Variants in RC3H1 observed in about 807,000 individuals in gnomAD.
RC3H1 encodes the protein ring finger and CCCH-type domains 1.
RC3H1 carries 50 observed loss-of-function variants against 138.2 expected under a neutral mutation model. The ratio of observed to expected loss-of-function variants is 0.36; its 90% CI spans 0.29 to 0.46. RC3H1 has a LOEUF of 0.46. Ranked by LOEUF, RC3H1 falls within the 20% of genes least tolerant of loss-of-function variation. The pLI is 1.00. For synonymous variants in RC3H1, 462 were observed against 489.1 expected (o/e 0.94, Z 0.73); for missense variants, 1,031 against 1,388.1 (o/e 0.74, Z 4.09).
intron 2 of RC3H1, among the ~76,000 whole-genome samples, chr1:173,989,110 C>T (rs536095995): frequency 1.3e-5 from 2 of 152,338 alleles, no homozygotes; most frequent in East Asian, 3.9e-4. Context: ...CTCACTGCAG[C>T]CTCCATCAGG....
At chr1:173,968,995 T>G (rs1056430145) in intron 9 of RC3H1, among the ~76,000 whole-genome samples, 8 of 151,216 alleles carry the variant, frequency 5.3e-5, no homozygotes, top group African/African-American at 1.9e-4. Context: ...AGTAGCTTGG[T>G]CTACAGGCGC....
At position 173,947,601 on chromosome 1, in the gene RC3H1, G is replaced by A. The variant is rs369865117; in HGVS notation, c.2524-19C>T. On this transcript the variant is annotated intron_variant, in intron 14 of 19. Transcript: ENST00000367696. ...CCACATTCTGATAAAAAAGCAAAATGAGAAATTACCCCACACTCAGATCGC... is the reference window on the plus strand; with the variant it reads ...CCACATTCTGATAAAAAAGCAAAATAAGAAATTACCCCACACTCAGATCGC... The A allele has an allele frequency of 2.5e-6, 4 of 1,593,860 alleles. No homozygotes were observed. Among genetic ancestry groups the A allele is most frequent in the African/African-American group, 1.3e-5 (1 of 74,466 alleles).
chr1:173,956,487 C>A (rs1168063790), intron 13 of RC3H1, among the ~76,000 whole-genome samples: 2 of 151,470 alleles, frequency 1.3e-5, no homozygotes, highest in African/African-American at 4.9e-5. Context: ...TGGAGAAACC[C>A]CATCTCTACT....
At position 173,931,876 on chromosome 1, in the gene RC3H1, TA is replaced by T. The variant is rs1211115384; in HGVS notation, c.*6844del. ...GTAAAATTTCACAAAATTCAGCAAT[TA>T]AAAAATCAGCTGTCACTTTAAGGCT... On this transcript the variant is annotated 3_prime_UTR_variant, in exon 20 of 20. Coordinates refer to ENST00000367696, the MANE Select transcript of RC3H1 (RefSeq NM_172071.4). 2 of 151,900 alleles carry T rather than the reference TA, an allele frequency of 1.3e-5. No homozygotes were observed. The highest frequency in any genetic ancestry group is 2.4e-5 in the African/African-American group (1 of 41,368). The allele number at this position is 151,900 out of a possible 1,614,324, so 9.4% of individuals were successfully genotyped here. A position where few individuals can be genotyped will look rare whatever the true frequency, so the allele number is the denominator to read the frequency against.
At chr1:174,014,834 T>A (rs1661831835) in intron 1 of RC3H1, among the ~76,000 whole-genome samples, 1 of 152,214 alleles carries the variant, frequency 6.6e-6, no homozygotes, top group South Asian at 2.1e-4. Context: ...TGTTCTATTT[T>A]TTTTAGCGAG....
chr1:173,992,003 C>T (rs1417350361), intron 2 of RC3H1, among the ~76,000 whole-genome samples: 1 of 151,918 alleles, frequency 6.6e-6, no homozygotes, highest in Admixed American at 6.6e-5. Flanking sequence ...TAGTTTTTGT[C>T]ACCTTTCTCA....
chr1:173,973,946 A>G (rs192418388), intron 7 of RC3H1, among the ~76,000 whole-genome samples: 43 of 152,328 alleles, frequency 2.8e-4, no homozygotes, highest in African/African-American at 9.4e-4. Flanking sequence ...GCCAGATAAT[A>G]ACCAAGACAA....
intron 4 of RC3H1, 99 bp from the exon 5 acceptor site, chr1:173,983,001 A>G (rs997222323): frequency 1.3e-5 from 14 of 1,073,624 alleles, no homozygotes; most frequent in East Asian, 7.6e-5. Context: ...CAGCTATTCA[A>G]TTAACTGGCA....
intron 7 of RC3H1, among the ~76,000 whole-genome samples, chr1:173,976,825 C>G (rs566708148): frequency 6.6e-6 from 1 of 152,082 alleles, no homozygotes; most frequent in African/African-American, 2.4e-5. Context: ...TAAGAGGGCT[C>G]TGAATGCCAT....
At chr1:174,006,992 G>GC (rs376705729) in intron 1 of RC3H1, among the ~76,000 whole-genome samples, 18 of 151,822 alleles carry the variant, frequency 1.2e-4, no homozygotes, top group South Asian at 6.3e-4. Flanking sequence ...ATCTCAAAAG[G>GC]CCCCCCCTCA....
At chr1:174,004,922 G>C (rs1174060078) in intron 1 of RC3H1, among the ~76,000 whole-genome samples, 1 of 151,780 alleles carries the variant, frequency 6.6e-6, no homozygotes, top group Admixed American at 6.6e-5. Flanking sequence ...AGAGGGGGGT[G>C]GGCAGGGGGA....
Position 173,977,216 on chromosome 1 carries a change from G to A in RC3H1, c.1102+1272C>T, listed in dbSNP as rs145795741. Reference sequence around the variant, plus strand: ...TGGGATTACAGGCGTAAGCCACTGTGTCAGGCCAGGGATGTGATTTCTTTT... The same window carrying A: ...TGGGATTACAGGCGTAAGCCACTGTATCAGGCCAGGGATGTGATTTCTTTT... On this transcript the variant is annotated intron_variant, in intron 7 of 19. Coordinates refer to ENST00000367696, the MANE Select transcript of RC3H1 (RefSeq NM_172071.4). Among the ~76,000 whole-genome samples the A allele has an allele frequency of 3.6e-3, 551 of 152,292 alleles. 3 individuals are homozygous for A. Among genetic ancestry groups the A allele is most frequent in the Non-Finnish European group, 6.0e-3 (410 of 68,018 alleles).
In RC3H1 at chr1:174,004,256, T is replaced by C. The variant is rs565622571; in HGVS notation, c.-150-11121A>G. Among the ~76,000 whole-genome samples, 293 of 139,028 alleles carry C rather than the reference T, an allele frequency of 2.1e-3. 1 individual carries two copies. Among genetic ancestry groups the C allele is most frequent in the Middle Eastern group, 7.4e-3 (2 of 270 alleles). The allele number at this position is 139,028 out of a possible 152,430, so 91.2% of individuals were successfully genotyped here. ...CCTCCCAAGTAGCCAGGACTATAGG[T>C]GTGCACCAACACACCTGGTTAGTTT... On this transcript the variant is annotated intron_variant, in intron 1 of 19. Transcript: ENST00000367696.
At chr1:173,975,680 C>T (rs1167969560) in intron 7 of RC3H1, among the ~76,000 whole-genome samples, 2 of 60,694 alleles carry the variant, frequency 3.3e-5, no homozygotes, top group Non-Finnish European at 2.6e-5. Context: ...GGGCGGATCA[C>T]GAGGTCAGGA....
chr1:173,972,480 T>A (rs986532017), intron 8 of RC3H1, 29 bp downstream of exon 8: 2 of 1,515,982 alleles, frequency 1.3e-6, no homozygotes, highest in Non-Finnish European at 1.8e-6. Flanking sequence ...CACAGTGGGT[T>A]AACTCTAAGT....
At chr1:174,010,503 C>T (rs992511625) in intron 1 of RC3H1, among the ~76,000 whole-genome samples, 1 of 152,160 alleles carries the variant, frequency 6.6e-6, no homozygotes, top group Admixed American at 6.5e-5. Flanking sequence ...CAGCCTCGAC[C>T]TCCCAGGCTC....
In RC3H1 at chr1:173,970,058, T is replaced by C. The variant is rs546760656; in HGVS notation, c.1334+447A>G. Among the ~76,000 whole-genome samples, 6 of 152,264 alleles carry C rather than the reference T, an allele frequency of 3.9e-5. No individual in the cohort carries two copies. In the East Asian group the frequency reaches 1.2e-3, roughly 29 times the overall value. On this transcript the variant is annotated intron_variant, in intron 9 of 19. Coordinates refer to ENST00000367696, the MANE Select transcript of RC3H1 (RefSeq NM_172071.4). Reference sequence around the variant, plus strand: ...AAAAATTATGTACAGGTTGAATATCTCTTACCCGAAATGCTTGAGACCAGA... The same window carrying C: ...AAAAATTATGTACAGGTTGAATATCCCTTACCCGAAATGCTTGAGACCAGA...
rs575375319 is a variant in RC3H1, at chr1:173,947,502, G to A, written c.2604C>T (p.Ile868=). Residue 868 remains isoleucine (I), a synonymous_variant, in exon 15 of 20, where the codon ATC becomes ATT. Transcript: ENST00000367696. ...ACACTGTTGGTCGGTCTCCAAATGG[G>A]ATGAGGTCATCATCACTGGTTTCTG... The part of the protein sequence containing the change: ...RAAETSDDDL[I]PFGDRPTVSR... 57 of 1,613,948 alleles carry A rather than the reference G, an allele frequency of 3.5e-5. 1 individual carries two copies. In the Middle Eastern group the frequency reaches 8.3e-4, roughly 23 times the overall value.
chr1:173,940,422 G>A (rs1658799992), intron 19 of RC3H1, among the ~76,000 whole-genome samples: 1 of 152,098 alleles, frequency 6.6e-6, no homozygotes, highest in South Asian at 2.1e-4. Context: ...CGTGAGCCGA[G>A]ATCGTGCCAT....
Sources: gnomAD v4.1 joint callset for allele counts (sites outside exome capture counted in the v4.1 genomes callset) on GRCh38, gnomAD v4.1.1 for gene constraint, MANE v1.5 for transcripts, NCBI Gene and HGNC (gene_info 2026-07-23, HGNC 2026-07-21) for gene names.